TADA2A: variants seen among roughly 807,000 people sequenced by gnomAD.
The protein encoded by TADA2A is transcriptional adapter 2-alpha.
Under a neutral mutation model 67.4 loss-of-function variants are expected in TADA2A, and 38 were observed. That is an observed-to-expected ratio of 0.56 (90% CI 0.44 to 0.74). The LOEUF (loss-of-function observed/expected upper bound fraction) is 0.74. Among genes scored for constraint, TADA2A ranks in the 30% least tolerant of loss-of-function variants. The pLI, the probability that TADA2A is intolerant of heterozygous loss-of-function variation, is 0.00. For missense variants in TADA2A, 454 were observed against 547.0 expected (o/e 0.83, Z 1.70); for synonymous variants, 192 against 181.6 (o/e 1.06, Z -0.46).
chr17:37,414,807 C>T (rs942076262), intron 2 of TADA2A, among the ~76,000 whole-genome samples: 1 of 152,124 alleles, frequency 6.6e-6, no homozygotes, highest in African/African-American at 2.4e-5. Flanking sequence ...TTACCAACTT[C>T]ATTGTTTTCT....
intron 12 of TADA2A, 23 bp downstream of exon 12, chr17:37,467,548 C>G: frequency 6.3e-7 from 1 of 1,591,944 alleles, no homozygotes. Context: ...CAGCTACATA[C>G]CGTACTTGAG....
Position 37,477,218 on chromosome 17 carries a change from G to T in TADA2A, c.*236G>T. On this transcript the variant is annotated 3_prime_UTR_variant, in exon 16 of 16. Transcript: ENST00000615182. The stretch of plus-strand genomic sequence containing the variant: ...TGTGCTACATAAGCTATTATTAAAT[G>T]TGAGTGGGCATTCATTCCTAACACC... The T allele has an allele frequency of 2.3e-6, 1 of 429,534 alleles. No homozygotes were observed. Among genetic ancestry groups the T allele is most frequent in the Non-Finnish European group, 4.1e-6 (1 of 243,224 alleles). 26.6% of individuals were successfully genotyped at this position (429,534 alleles called of 1,614,324 possible).
rs532566717 is a variant in TADA2A at position 37,432,683 on chromosome 17, A to C, written c.193-5055A>C. Among the ~76,000 whole-genome samples, 24 of 152,298 alleles carry C rather than the reference A, an allele frequency of 1.6e-4. 1 individual carries two copies. In the South Asian group the frequency reaches 5.0e-3, roughly 32 times the overall value. On this transcript the variant is annotated intron_variant, in intron 4 of 15. Coordinates refer to ENST00000615182, the MANE Select transcript of TADA2A (RefSeq NM_001166105.3). ...TTCTTATATAAAGCTTTCTATGTAC[A>C]TATGTTTTCACTGTTTTTTGGATAA...
chr17:37,456,547 A>G lies in TADA2A; in HGVS notation c.605-1977A>G, dbSNP rs1171966332. Among the ~76,000 whole-genome samples the G allele has an allele frequency of 2.6e-5, 4 of 152,212 alleles. No homozygotes were observed. In the South Asian group the frequency reaches 6.2e-4, roughly 24 times the overall value. ...GCAGTGTGGCTAAGACTCATCGACT[A>G]TGGAGGAGAAGGAGGAAGAATCCAG... On this transcript the variant is annotated intron_variant, in intron 8 of 15. Coordinates refer to ENST00000615182, the MANE Select transcript of TADA2A (RefSeq NM_001166105.3).
rs1354117622 is a variant in TADA2A, at chr17:37,478,737, CTAAT to C, written c.*1759_*1762del. On this transcript the variant is annotated 3_prime_UTR_variant, in exon 16 of 16. Coordinates refer to ENST00000615182, the MANE Select transcript of TADA2A (RefSeq NM_001166105.3). ...TTTAATTCCTTCTACATTCAAATATCTAATTAAAATACTGTGTGCTTTGTTGGAA... is the reference window on the plus strand; with the variant it reads ...TTTAATTCCTTCTACATTCAAATATCTAAAATACTGTGTGCTTTGTTGGAA... 1 of 152,190 alleles carries C rather than the reference CTAAT, an allele frequency of 6.6e-6. No homozygotes were observed. Among genetic ancestry groups the C allele is most frequent in the Non-Finnish European group, 1.5e-5 (1 of 68,040 alleles). The allele number at this position is 152,190 out of a possible 1,614,324, so 9.4% of individuals were successfully genotyped here.
chr17:37,421,681 A>G (rs2052235852), intron 2 of TADA2A, among the ~76,000 whole-genome samples: 1 of 145,176 alleles, frequency 6.9e-6, no homozygotes. Flanking sequence ...AGTCCCTGCT[A>G]GTTAGGAGGC....
At chr17:37,474,222 G>GAGT (rs1307343783) in intron 14 of TADA2A, among the ~76,000 whole-genome samples, 1 of 152,192 alleles carries the variant, frequency 6.6e-6, no homozygotes, top group Non-Finnish European at 1.5e-5. Context: ...CTGAGCAACA[G>GAGT]AGTGAGACCC....
In TADA2A at chr17:37,471,249, A is replaced by G. The variant is rs1472641911; in HGVS notation, c.1072+112A>G. On this transcript the variant is annotated intron_variant, in intron 14 of 15. Transcript: ENST00000615182. The stretch of plus-strand genomic sequence containing the variant: ...TGGTGTCAGGGTGCTTAGGCAGAGT[A>G]ACAGTAATCAAGTGTTAGCCCAATA... 3 of 1,078,272 alleles carry G rather than the reference A, an allele frequency of 2.8e-6. No individual in the cohort carries two copies. In the East Asian group the frequency reaches 7.7e-5, roughly 28 times the overall value. The allele number at this position is 1,078,272 out of a possible 1,614,324, so 66.8% of individuals were successfully genotyped here.
intron 5 of TADA2A, 180 bp downstream of exon 5, chr17:37,438,009 G>C (rs951586592): frequency 1.7e-6 from 1 of 603,814 alleles, no homozygotes; most frequent in Admixed American, 3.0e-5. Flanking sequence ...AATGTGTCAC[G>C]AGGATATGGG....
intron 2 of TADA2A, among the ~76,000 whole-genome samples, chr17:37,416,436 T>C (rs748304215): frequency 2.0e-5 from 3 of 152,324 alleles, no homozygotes; most frequent in Admixed American, 6.5e-5. Flanking sequence ...TTTTCTGATA[T>C]GTTTACAAAT....
intron 8 of TADA2A, among the ~76,000 whole-genome samples, chr17:37,448,379 A>G (rs1020746846): frequency 1.1e-4 from 16 of 152,230 alleles, no homozygotes; most frequent in Admixed American, 6.5e-4. Context: ...TTTCAAATGT[A>G]TACTGCAAGT....
intron 9 of TADA2A, 34 bp downstream of exon 9, chr17:37,458,621 G>A (rs752705506): frequency 6.4e-7 from 1 of 1,560,084 alleles, no homozygotes; most frequent in Non-Finnish European, 8.8e-7. Flanking sequence ...CCTCCTTTCA[G>A]CTTTGGATTA....
rs986855381 is a variant in TADA2A, at chr17:37,452,479, C to CT, written c.605-6042dup. ...TTATTGTATTTGTTTCCCTTTCTGGCTTTAACTGTTGACTTCCTAATCCTT... is the reference window on the plus strand; with the variant it reads ...TTATTGTATTTGTTTCCCTTTCTGGCTTTTAACTGTTGACTTCCTAATCCTT... On this transcript the variant is annotated intron_variant, in intron 8 of 15. Coordinates refer to ENST00000615182, the MANE Select transcript of TADA2A (RefSeq NM_001166105.3). Among the ~76,000 whole-genome samples, 284 of 152,274 alleles carry CT rather than the reference C, an allele frequency of 1.9e-3. 6 individuals carry two copies. Among genetic ancestry groups the CT allele is most frequent in the Non-Finnish European group, 5.0e-4 (34 of 68,016 alleles).
At chr17:37,452,833 G>T (rs775506021) in intron 8 of TADA2A, among the ~76,000 whole-genome samples, 14 of 151,722 alleles carry the variant, frequency 9.2e-5, no homozygotes, top group Non-Finnish European at 2.1e-4. Flanking sequence ...TGACAGTATT[G>T]AATTATTTTT....
intron 8 of TADA2A, chr17:37,454,130 T>G (rs540542382): frequency 1.3e-5 from 2 of 152,128 alleles, no homozygotes; most frequent in Non-Finnish European, 2.9e-5. Context: ...TGGTATGTTA[T>G]TAGAAATTAC....
chr17:37,473,102 G>A (rs1012642040), intron 14 of TADA2A, among the ~76,000 whole-genome samples: 7 of 150,666 alleles, frequency 4.6e-5, no homozygotes, highest in Non-Finnish European at 8.9e-5. Context: ...TGGGACTACA[G>A]GTGAATGCCA....
chr17:37,408,692 TGGTACCCAC>T (rs2051750227), intron 1 of TADA2A: 1 of 152,236 alleles, frequency 6.6e-6, no homozygotes, highest in Non-Finnish European at 1.5e-5. Flanking sequence ...CCCCACACCT[TGGTACCCAC>T]GGGTACCTAG....
At chr17:37,444,827 G>A in intron 8 of TADA2A, 59 bp downstream of exon 8, 3 of 1,478,804 alleles carry the variant, frequency 2.0e-6, no homozygotes, top group Non-Finnish European at 2.8e-6. Context: ...ACACTGTCTT[G>A]GGTGCTAGGA....
At chr17:37,440,812 C>T (rs1298232842) in intron 6 of TADA2A, 150 bp downstream of exon 6, 5 of 1,047,384 alleles carry the variant, frequency 4.8e-6, no homozygotes, top group Admixed American at 2.5e-5. Context: ...GAGTCAGGAT[C>T]GACCCAGCAT....
Sources: gnomAD v4.1 joint callset for allele counts (sites outside exome capture counted in the v4.1 genomes callset) on GRCh38, gnomAD v4.1.1 for gene constraint, MANE v1.5 for transcripts, NCBI Gene and HGNC (gene_info 2026-07-23, HGNC 2026-07-21) for gene names.